Variants in CRAMP1 observed in about 807,000 individuals in gnomAD.
CRAMP1 encodes cramped chromatin regulator 1.
A neutral mutation model predicts 115.4 loss-of-function variants in CRAMP1; 50 were observed. That is an observed-to-expected ratio of 0.43 (90% CI 0.35 to 0.55). CRAMP1 has a LOEUF of 0.55. CRAMP1 is among the 20% of genes least tolerant of loss of function. The pLI, the probability that CRAMP1 is intolerant of heterozygous loss-of-function variation, is 0.01. For synonymous variants in CRAMP1, 866 were observed against 745.4 expected (o/e 1.16, Z -2.64); for missense variants, 1,679 against 1,721.7 (o/e 0.98, Z 0.44).
chr16:1,612,819 GA>G (rs1267981867), intron 1 of CRAMP1, among the ~76,000 whole-genome samples, 162 bp downstream of exon 1: 1 of 152,128 alleles, frequency 6.6e-6, no homozygotes, highest in African/African-American at 2.4e-5. Context: ...CCCGAGACGC[GA>G]GCCGGTGCGG....
rs565340986 is a variant in CRAMP1, at chr16:1,666,773, C to T, written c.3036+173C>T. 3.3e-5 allele frequency among the ~76,000 whole-genome samples: 5 copies of T among 152,354 alleles called. No individual in the cohort carries two copies. Among genetic ancestry groups the T allele is most frequent in the South Asian group, 4.1e-4 (2 of 4,832 alleles). On this transcript the variant is annotated intron_variant, in intron 16 of 20. Transcript: ENST00000397412. The surrounding 1 kb of genome is among the most constrained non-coding windows in gnomAD (Gnocchi z 5.0). Reference sequence around the variant, plus strand: ...TGTAGTACAGAGCAGGAGAGGCCTCCGGAGCCACTGACGAAAGGTGGGGAC... The same window carrying T: ...TGTAGTACAGAGCAGGAGAGGCCTCTGGAGCCACTGACGAAAGGTGGGGAC...
chr16:1,620,261 C>T (rs1035970473), intron 2 of CRAMP1, among the ~76,000 whole-genome samples: 4 of 152,186 alleles, frequency 2.6e-5, no homozygotes, highest in African/African-American at 7.2e-5. Flanking sequence ...GCAGTTTCTG[C>T]GCCATCCTTG....
intron 6 of CRAMP1, among the ~76,000 whole-genome samples, chr16:1,647,968 T>A (rs1030641718): frequency 5.3e-5 from 8 of 152,154 alleles, no homozygotes; most frequent in Non-Finnish European, 1.0e-4. Context: ...AGCGTCACCC[T>A]GGCTTTCGCA....
chr16:1,665,406 G>A (rs1008271491), intron 14 of CRAMP1, among the ~76,000 whole-genome samples: 2 of 152,202 alleles, frequency 1.3e-5, no homozygotes, highest in Admixed American at 6.5e-5. Context: ...CTTGGTTAGA[G>A]TTGTGTCTCT....
At chr16:1,670,488 G>A (rs2036912854) in intron 19 of CRAMP1, 176 bp from the exon 20 acceptor site, 4 of 670,714 alleles carry the variant, frequency 6.0e-6, no homozygotes, top group East Asian at 2.5e-5. Context: ...CCTGTTAAAC[G>A]AGAAGAGCTC....
Position 1,620,018 on chromosome 16 carries a change from C to T in CRAMP1, c.346+5033C>T, listed in dbSNP as rs141074489. 2.5e-3 allele frequency among the ~76,000 whole-genome samples: 382 copies of T among 152,258 alleles called. 8 individuals carry two copies. In the South Asian group the frequency reaches 0.031, roughly 12 times the overall value. On this transcript the variant is annotated intron_variant, in intron 2 of 20. Coordinates refer to ENST00000397412, the MANE Select transcript of CRAMP1 (RefSeq NM_020825.4). The stretch of plus-strand genomic sequence containing the variant: ...GAGCGACACCACTGCGTGTGCATGA[C>T]GATGGAGCTGGGTAGGGGAGGCTCA...
Position 1,676,780 on chromosome 16 carries a change from A to G in CRAMP1, c.*2735A>G, listed in dbSNP as rs552683814. 3 of 152,318 alleles carry G rather than the reference A, an allele frequency of 2.0e-5. No individual in the cohort carries two copies. Among genetic ancestry groups the G allele is most frequent in the East Asian group, 1.9e-4 (1 of 5,184 alleles). 9.4% of individuals were successfully genotyped at this position (152,318 alleles called of 1,614,324 possible). A position where few individuals can be genotyped will look rare whatever the true frequency, so the allele number is the denominator to read the frequency against. On this transcript the variant is annotated 3_prime_UTR_variant, in exon 21 of 21. Coordinates refer to ENST00000397412, the MANE Select transcript of CRAMP1 (RefSeq NM_020825.4). ...TGTGGATGTGCAGTGATAAGCGGGC[A>G]TTGCGTGCCTCGGGGGATGCCTAGT...
chr16:1,620,953 T>C (rs1380404142), intron 2 of CRAMP1, among the ~76,000 whole-genome samples: 1 of 152,122 alleles, frequency 6.6e-6, no homozygotes. Context: ...CATAATGCTA[T>C]TAATAATTTC....
Position 1,666,049 on chromosome 16 carries a change from C to CTGCTTT in CRAMP1, c.2753-20_2753-15dup. The CTGCTTT allele has an allele frequency of 1.3e-6, 2 of 1,530,070 alleles. No individual in the cohort carries two copies. Among genetic ancestry groups the CTGCTTT allele is most frequent in the Non-Finnish European group, 1.8e-6 (2 of 1,121,796 alleles). 94.8% of individuals were successfully genotyped at this position (1,530,070 alleles called of 1,614,324 possible). On this transcript the variant is annotated intron_variant, in intron 14 of 20. Transcript: ENST00000397412. The surrounding 1 kb of genome is among the most constrained non-coding windows in gnomAD (Gnocchi z 5.0). ...GGCATGGCGGGCGGGCTCGACATGT[C>CTGCTTT]TGCTTTTGCCCTCGCCCTCGCAGGG...
chr16:1,659,928 G>T lies in CRAMP1; in HGVS notation c.2278G>T (p.Ala760Ser). 1.2e-6 allele frequency: 2 copies of T among 1,612,802 alleles called. No homozygotes were observed. The highest frequency in any genetic ancestry group is 1.3e-5 in the African/African-American group (1 of 75,062). Residue 760 changes from alanine (A) to serine (S), a missense_variant, in exon 11 of 21, where the codon GCC becomes TCC. By Grantham distance (99) the Ala-to-Ser change is moderately conservative. This residue lies in a region of CRAMP1 where 709 missense variants were observed against 741.9 expected (regional missense o/e 0.96). Transcript: ENST00000397412. ...CATCTCTACAGCCTCAGTAAGGCCCGCCCAGGAGGAGCAGTCGATGACGCC... is the reference window on the plus strand; with the variant it reads ...CATCTCTACAGCCTCAGTAAGGCCCTCCCAGGAGGAGCAGTCGATGACGCC... The part of the protein sequence containing the change: ...NTISTASVRP[A>S]QEEQSMTPPG...
intron 6 of CRAMP1, among the ~76,000 whole-genome samples, chr16:1,645,110 C>G (rs901961367): frequency 6.6e-6 from 1 of 151,312 alleles, no homozygotes; most frequent in Admixed American, 6.8e-5. Context: ...TTTAAGTTGA[C>G]AGAAAAACTG....
intron 3 of CRAMP1, among the ~76,000 whole-genome samples, chr16:1,626,643 G>T (rs2036510619): frequency 6.6e-6 from 1 of 152,044 alleles, no homozygotes; most frequent in South Asian, 2.1e-4. Context: ...ATAGAGAGAA[G>T]CCACTCCCTG....
intron 2 of CRAMP1, 75 bp from the exon 3 acceptor site, chr16:1,625,898 C>T: frequency 7.0e-7 from 1 of 1,428,134 alleles, no homozygotes; most frequent in Non-Finnish European, 9.6e-7. Flanking sequence ...GGGCCCTTCC[C>T]TCCCACCGGC....
At chr16:1,663,659 A>T (rs534731738) in intron 13 of CRAMP1, among the ~76,000 whole-genome samples, 15 of 152,266 alleles carry the variant, frequency 9.9e-5, no homozygotes, top group African/African-American at 3.4e-4. Flanking sequence ...GTGTACGACG[A>T]CCATCACCAT....
intron 6 of CRAMP1, 110 bp from the exon 7 acceptor site, chr16:1,652,386 A>C (rs960769708): frequency 7.5e-5 from 66 of 876,714 alleles, no homozygotes; most frequent in Non-Finnish European, 1.1e-4. Context: ...GCTGGGGTGG[A>C]TGCTTGGCCA....
At chr16:1,620,358 G>T (rs1250000009) in intron 2 of CRAMP1, among the ~76,000 whole-genome samples, 1 of 152,228 alleles carries the variant, frequency 6.6e-6, no homozygotes, top group Non-Finnish European at 1.5e-5. Flanking sequence ...GCACGGTCAA[G>T]TCTGGAGATG....
At position 1,655,277 on chromosome 16, in the gene CRAMP1, T is replaced by C. The variant is rs1302232880; in HGVS notation, c.1096T>C (p.Trp366Arg). The C allele has an allele frequency of 6.2e-7, 1 of 1,613,874 alleles. No individual in the cohort carries two copies. The highest frequency in any genetic ancestry group is 1.7e-5 in the Admixed American group (1 of 60,000). The change falls in exon 9 of 21, where the codon TGG becomes CGG. Residue 366 changes from tryptophan (W) to arginine (R), a missense_variant. Coordinates refer to ENST00000397412, the MANE Select transcript of CRAMP1 (RefSeq NM_020825.4). ...CCTCATCGAATTCTTGAAGCAGAAG[T>C]GGGCGCTCCATGAGGTGCGAGTTGT... ...SSLIEFLKQK[W>R]ALHEVRVRKT...
At chr16:1,612,886 G>C (rs2036369842) in intron 1 of CRAMP1, among the ~76,000 whole-genome samples, 1 of 152,126 alleles carries the variant, frequency 6.6e-6, no homozygotes, top group Non-Finnish European at 1.5e-5. Flanking sequence ...TCTCGTTGGA[G>C]GTTCTCGCGA....
intron 4 of CRAMP1, among the ~76,000 whole-genome samples, chr16:1,635,252 G>A (rs1049623305): frequency 1.3e-5 from 2 of 152,220 alleles, no homozygotes; most frequent in Non-Finnish European, 2.9e-5. Context: ...GGGTTTGTCT[G>A]ACTCATCTTG....
Sources: gnomAD v4.1 joint callset for allele counts (sites outside exome capture counted in the v4.1 genomes callset) on GRCh38, gnomAD v4.1.1 for gene constraint, gnomAD v4.1.1 regional missense constraint, Gnocchi (gnomAD v3.1) non-coding constraint, MANE v1.5 for transcripts, NCBI Gene and HGNC (gene_info 2026-07-23, HGNC 2026-07-21) for gene names.